FBXO16: variants seen among roughly 807,000 people sequenced by gnomAD.
FBXO16 encodes the protein F-box only protein 16.
FBXO16 carries 31 observed loss-of-function variants against 41.0 expected under a neutral mutation model. The ratio of observed to expected loss-of-function variants is 0.76; its 90% CI spans 0.57 to 1.02. The LOEUF is 1.02. FBXO16 is among the 50% of genes least tolerant of loss of function. The pLI, the probability that FBXO16 is intolerant of heterozygous loss-of-function variation, is 0.00. For synonymous variants in FBXO16, 133 were observed against 117.8 expected (o/e 1.13, Z -0.84); for missense variants, 361 against 346.2 (o/e 1.04, Z -0.34).
At chr8:28,443,917 A>C (rs949659451) in intron 7 of FBXO16, among the ~76,000 whole-genome samples, 3 of 152,240 alleles carry the variant, frequency 2.0e-5, no homozygotes, top group Admixed American at 1.3e-4. Context: ...AGCGGGAGAC[A>C]TGAATAATCC....
chr8:28,473,999 G>A (rs901725365), intron 2 of FBXO16, among the ~76,000 whole-genome samples, 192 bp from the exon 3 acceptor site: 2 of 151,198 alleles, frequency 1.3e-5, no homozygotes, highest in Non-Finnish European at 2.9e-5. Context: ...TTTTCTTTCA[G>A]TTTCTACATG....
intron 6 of FBXO16, 33 bp downstream of exon 6, chr8:28,452,211 C>T (rs376343896): frequency 9.8e-5 from 154 of 1,568,724 alleles, no homozygotes; most frequent in Admixed American, 2.8e-4. Flanking sequence ...TTTCTAAAAA[C>T]GAAGAAGTTG....
intron 1 of FBXO16, among the ~76,000 whole-genome samples, chr8:28,486,462 G>A (rs1003515048): frequency 6.6e-6 from 1 of 152,078 alleles, no homozygotes; most frequent in Non-Finnish European, 1.5e-5. Context: ...GACCTCAGGT[G>A]ATCCACCAGC....
intron 7 of FBXO16, among the ~76,000 whole-genome samples, chr8:28,436,185 T>C (rs918802878): frequency 6.6e-6 from 1 of 152,120 alleles, no homozygotes; most frequent in African/African-American, 2.4e-5. Context: ...ATCCGGTTGA[T>C]AGGATGCTTA....
chr8:28,482,927 G>A (rs1275370447), intron 2 of FBXO16, among the ~76,000 whole-genome samples: 2 of 152,124 alleles, frequency 1.3e-5, no homozygotes, highest in African/African-American at 4.8e-5. Flanking sequence ...ATAATCAGTT[G>A]AAATGTATGC....
At chr8:28,471,749 A>T (rs1007134957) in intron 3 of FBXO16, among the ~76,000 whole-genome samples, 2 of 149,464 alleles carry the variant, frequency 1.3e-5, no homozygotes, top group African/African-American at 2.5e-5. Context: ...AAAAACAGGA[A>T]GAAGCCAGCC....
At position 28,473,811 on chromosome 8, in the gene FBXO16, C is replaced by T; in HGVS notation, c.100-4G>A. On this transcript the variant is annotated splice_region_variant and splice_polypyrimidine_tract_variant and intron_variant, in intron 2 of 8. Transcript: ENST00000380254. Reference sequence around the variant, plus strand: ...GGGCTCTTCTTTCTTCAAATACCTACAGTAAGTAAAAAAGAATATGGTAAT... The same window carrying T: ...GGGCTCTTCTTTCTTCAAATACCTATAGTAAGTAAAAAAGAATATGGTAAT... 1.3e-6 allele frequency: 2 copies of T among 1,595,452 alleles called. No homozygotes were observed. The highest frequency in any genetic ancestry group is 1.7e-6 in the Non-Finnish European group (2 of 1,167,604).
intron 6 of FBXO16, among the ~76,000 whole-genome samples, chr8:28,448,340 C>CAAAAAAAAAAAAAA (rs56323338): frequency 2.0e-5 from 1 of 49,896 alleles, no homozygotes; most frequent in African/African-American, 6.6e-5. Context: ...GACCCTAAAT[C>CAAAAAAAAAAAAAA]AAAAAAAAAA....
At chr8:28,450,061 T>C (rs1377198212) in intron 6 of FBXO16, among the ~76,000 whole-genome samples, 2 of 151,762 alleles carry the variant, frequency 1.3e-5, no homozygotes, top group East Asian at 3.9e-4. Flanking sequence ...TTTCTGGTTT[T>C]AAAATGTACT....
At chr8:28,459,623 A>AAAAAAT (rs71222553) in intron 4 of FBXO16, among the ~76,000 whole-genome samples, 7 of 137,884 alleles carry the variant, frequency 5.1e-5, no homozygotes, top group Non-Finnish European at 9.3e-5. Context: ...CCTGTCTCAA[A>AAAAAAT]AATAATAATA....
At position 28,463,719 on chromosome 8, in the gene FBXO16, C is replaced by G; in HGVS notation, c.235G>C (p.Glu79Gln). ...QQKFCCRKLQ[E>Q]KIPAEALDFT... ...TCCAGGGCTTCTGCTGGAATTTTCT[C>G]TTGAAGCTTTCGACAGCAGAACTTT... Residue 79 changes from glutamate to glutamine, a missense_variant, in exon 4 of 9, where the codon GAG becomes CAG. Glu to Gln is a conservative substitution (Grantham distance 29, BLOSUM62 2). Coordinates refer to ENST00000380254, the MANE Select transcript of FBXO16 (RefSeq NM_172366.4). The G allele has an allele frequency of 5.0e-6, 8 of 1,614,220 alleles. No individual in the cohort carries two copies. The highest frequency in any genetic ancestry group is 6.8e-6 in the Non-Finnish European group (8 of 1,180,048).
At chr8:28,437,528 G>A (rs146037290) in intron 7 of FBXO16, among the ~76,000 whole-genome samples, 1 of 152,290 alleles carries the variant, frequency 6.6e-6, no homozygotes, top group East Asian at 1.9e-4. Context: ...CATAATCCAT[G>A]GCACTGAGTT....
chr8:28,438,682 T>C (rs1300800820), intron 7 of FBXO16, among the ~76,000 whole-genome samples: 1 of 152,240 alleles, frequency 6.6e-6, no homozygotes, highest in Non-Finnish European at 1.5e-5. Context: ...ACTAACTCCA[T>C]GTTACACATG....
chr8:28,460,695 G>A (rs1445627565), intron 4 of FBXO16, among the ~76,000 whole-genome samples: 1 of 151,942 alleles, frequency 6.6e-6, no homozygotes, highest in East Asian at 1.9e-4. Context: ...AAAGTGCTAG[G>A]ATTACAGGTG....
intron 2 of FBXO16, among the ~76,000 whole-genome samples, chr8:28,483,117 G>T (rs1020454815): frequency 6.6e-6 from 1 of 152,092 alleles, no homozygotes; most frequent in African/African-American, 2.4e-5. Flanking sequence ...GACAGTGGGG[G>T]AAAGAACAAA....
At chr8:28,468,641 A>G (rs1803283060) in intron 3 of FBXO16, among the ~76,000 whole-genome samples, 1 of 152,074 alleles carries the variant, frequency 6.6e-6, no homozygotes, top group African/African-American at 2.4e-5. Context: ...CAAGACCAAA[A>G]CCAGCTGGGC....
At chr8:28,462,302 G>A (rs1330797605) in intron 4 of FBXO16, among the ~76,000 whole-genome samples, 57 of 144,580 alleles carry the variant, frequency 3.9e-4, no homozygotes, top group Non-Finnish European at 7.4e-4. Flanking sequence ...TTTCTGAGAC[G>A]GCGTCTCGCT....
At chr8:28,462,546 G>A (rs1803153847) in intron 4 of FBXO16, among the ~76,000 whole-genome samples, 1 of 152,060 alleles carries the variant, frequency 6.6e-6, no homozygotes. Context: ...CCAAAGTGCT[G>A]GGATTACAGG....
At chr8:28,429,934 G>T (rs1192091769) in intron 7 of FBXO16, among the ~76,000 whole-genome samples, 1 of 152,268 alleles carries the variant, frequency 6.6e-6, no homozygotes, top group South Asian at 2.1e-4. Context: ...TTTCCAGCAG[G>T]TGGATTCCCG....
Sources: gnomAD v4.1 joint callset for allele counts (sites outside exome capture counted in the v4.1 genomes callset) on GRCh38, gnomAD v4.1.1 for gene constraint, MANE v1.5 for transcripts, NCBI Gene and HGNC (gene_info 2026-07-23, HGNC 2026-07-21) for gene names.